The following AVL9 variants were observed in gnomAD, a reference collection of about 807,000 sequenced individuals.
AVL9 encodes AVL9 cell migration associated, also known as late secretory pathway protein AVL9 homolog.
Under a neutral mutation model 79.2 loss-of-function variants are expected in AVL9, and 49 were observed. The ratio of observed to expected loss-of-function variants is 0.62; its 90% CI spans 0.49 to 0.79. The LOEUF (loss-of-function observed/expected upper bound fraction) is 0.79, where lower values mean the gene tolerates loss of function less well. Among genes scored for constraint, AVL9 ranks in the 30% least tolerant of loss-of-function variants. AVL9 has a pLI of 0.00. For synonymous variants in AVL9, 299 were observed against 280.6 expected (o/e 1.07, Z -0.65); for missense variants, 682 against 776.8 (o/e 0.88, Z 1.45).
At chr7:32,502,775 C>G (rs1327271294) in intron 1 of AVL9, among the ~76,000 whole-genome samples, 1 of 152,206 alleles carries the variant, frequency 6.6e-6, no homozygotes, top group East Asian at 1.9e-4. Context: ...GAGCAAATGT[C>G]ACTCATACTG....
intron 12 of AVL9, among the ~76,000 whole-genome samples, chr7:32,575,629 A>C (rs1437732463): frequency 6.6e-6 from 1 of 152,198 alleles, no homozygotes; most frequent in African/African-American, 2.4e-5. Flanking sequence ...GTTTTTGATT[A>C]ATTAATACTA....
Position 32,518,791 on chromosome 7 carries a change from GATTA to G in AVL9, c.93+22993_93+22996del, listed in dbSNP as rs1161335633. ...AAGGGAATTTATAAAAATGTTATGT[GATTA>G]ATTGACTATAATGAAATTATAATAG... On this transcript the variant is annotated intron_variant, in intron 1 of 15. Transcript: ENST00000318709. 4.6e-5 allele frequency among the ~76,000 whole-genome samples: 7 copies of G among 152,220 alleles called. No homozygotes were observed. In the East Asian group the frequency reaches 1.3e-3, roughly 29 times the overall value.
At position 32,573,191 on chromosome 7, in the gene AVL9, C is replaced by CCAG. The variant is rs771192621; in HGVS notation, c.1351-7_1351-6insAGC. 5 of 1,611,318 alleles carry CCAG rather than the reference C, an allele frequency of 3.1e-6. No individual in the cohort carries two copies. The highest frequency in any genetic ancestry group is 3.4e-6 in the Non-Finnish European group (4 of 1,177,802). ...CCAGACTCTGACTTGTACCTGGATA[C>CCAG]CCTCTAGGTAGAAGAAGCTCTGATC... On this transcript the variant is annotated splice_polypyrimidine_tract_variant and splice_region_variant and intron_variant, in intron 11 of 15. Transcript: ENST00000318709.
Position 32,583,907 on chromosome 7 carries a change from A to G in AVL9, c.1947A>G (p.Ter649TrpextTer13). The stretch of plus-strand genomic sequence containing the variant: ...CTGAGCCACCAGATGAGAAGCCTTG[A>G]GCAAGGCGTCAGAGGCTGCTATTGC... ...SLTEPPDEKP[*>W] The change falls in exon 16 of 16, where the codon TGA (stop) becomes TGG (tryptophan). Residue 649 changes from the stop codon to tryptophan (W), a stop_lost. Transcript: ENST00000318709. 6.2e-7 allele frequency: 1 copy of G among 1,609,962 alleles called. No homozygotes were observed. Among genetic ancestry groups the G allele is most frequent in the Non-Finnish European group, 8.5e-7 (1 of 1,176,244 alleles).
intron 12 of AVL9, 64 bp from the exon 13 acceptor site, chr7:32,575,891 A>G (rs1365505121): frequency 1.2e-5 from 14 of 1,188,546 alleles, no homozygotes; most frequent in Non-Finnish European, 1.7e-5. Context: ...CTTTTTGGTT[A>G]TAATCTTCAC....
At chr7:32,525,356 G>A (rs995826672) in intron 1 of AVL9, among the ~76,000 whole-genome samples, 1 of 152,036 alleles carries the variant, frequency 6.6e-6, no homozygotes, top group Non-Finnish European at 1.5e-5. Context: ...CACTAGAATA[G>A]CATATTTTTA....
chr7:32,580,920 T>A (rs1391041541), intron 15 of AVL9, 30 bp downstream of exon 15: 5 of 1,522,786 alleles, frequency 3.3e-6, no homozygotes, highest in East Asian at 2.3e-5. Flanking sequence ...AGGAACAAAT[T>A]GGAATCACAA....
intron 11 of AVL9, among the ~76,000 whole-genome samples, chr7:32,570,566 G>C (rs1359090899): frequency 6.6e-6 from 1 of 151,836 alleles, no homozygotes; most frequent in Non-Finnish European, 1.5e-5. Context: ...ATAAATATTT[G>C]ACATCAATAT....
chr7:32,544,816 C>G, intron 3 of AVL9, 37 bp downstream of exon 3: 1 of 1,503,336 alleles, frequency 6.7e-7, no homozygotes, highest in Non-Finnish European at 9.2e-7. Flanking sequence ...TTCCAAAGTC[C>G]CTTCTTAGAT....
intron 1 of AVL9, among the ~76,000 whole-genome samples, chr7:32,510,398 G>A (rs80169208): frequency 3.4e-4 from 46 of 133,360 alleles, no homozygotes; most frequent in Non-Finnish European, 4.0e-4. Context: ...TTTGTGAGCC[G>A]TCATGTCTGG....
chr7:32,510,311 G>A (rs1231689868), intron 1 of AVL9, among the ~76,000 whole-genome samples: 3 of 151,338 alleles, frequency 2.0e-5, no homozygotes, highest in Non-Finnish European at 2.9e-5. Flanking sequence ...GAGCTGTCAG[G>A]TCTGGCTGAG....
chr7:32,525,428 T>C (rs897861069), intron 1 of AVL9, among the ~76,000 whole-genome samples: 2 of 152,254 alleles, frequency 1.3e-5, no homozygotes, highest in African/African-American at 2.4e-5. Context: ...TGCTGCACTT[T>C]ATGTAAATCA....
intron 1 of AVL9, 60 bp downstream of exon 1, chr7:32,495,862 C>T: frequency 9.1e-7 from 1 of 1,102,016 alleles, no homozygotes; most frequent in Non-Finnish European, 1.2e-6. Context: ...TCCGGGGCCC[C>T]CCTGCCCTGC....
At chr7:32,497,248 G>C (rs2128108491) in intron 1 of AVL9, among the ~76,000 whole-genome samples, 1 of 152,346 alleles carries the variant, frequency 6.6e-6, no homozygotes, top group Non-Finnish European at 1.5e-5. Flanking sequence ...CCAGCTACTT[G>C]GGAGGCTGAG....
intron 1 of AVL9, among the ~76,000 whole-genome samples, chr7:32,527,351 A>C (rs1788447053): frequency 6.6e-6 from 1 of 152,244 alleles, no homozygotes; most frequent in African/African-American, 2.4e-5. Flanking sequence ...TGCTGGGTTA[A>C]TACCCTCAGT....
At chr7:32,556,432 T>G (rs1267496832) in intron 8 of AVL9, among the ~76,000 whole-genome samples, 2 of 152,048 alleles carry the variant, frequency 1.3e-5, no homozygotes, top group African/African-American at 4.8e-5. Context: ...GAGAACTGCT[T>G]GAACCAGGGA....
chr7:32,553,111 C>A (rs73099479), intron 6 of AVL9, among the ~76,000 whole-genome samples: 9,705 of 152,098 alleles, frequency 0.064, 375 homozygotes, highest in Non-Finnish European at 0.085. Context: ...GATTGCAATC[C>A]TCTGTGTAAT....
At chr7:32,535,563 T>C (rs1263824392) in intron 1 of AVL9, 1 of 152,194 alleles carries the variant, frequency 6.6e-6, no homozygotes, top group African/African-American at 2.4e-5. Context: ...AGAGATGAGC[T>C]CTCTCAACTT....
At chr7:32,580,419 G>A (rs890088580) in intron 14 of AVL9, 147 bp downstream of exon 14, 1 of 666,622 alleles carries the variant, frequency 1.5e-6, no homozygotes, top group East Asian at 2.8e-5. Context: ...CTTTAGCTCA[G>A]CAGTGTGTAT....
Sources: gnomAD v4.1 joint callset for allele counts (sites outside exome capture counted in the v4.1 genomes callset) on GRCh38, gnomAD v4.1.1 for gene constraint, MANE v1.5 for transcripts, NCBI Gene and HGNC (gene_info 2026-07-23, HGNC 2026-07-21) for gene names.